Variants in ARG1 observed in about 807,000 individuals in gnomAD.
ARG1 encodes the protein arginase 1.
ARG1 carries 20 observed loss-of-function variants against 33.0 expected under a neutral mutation model. The observed-to-expected ratio is 0.61, with a 90% confidence interval of 0.43 to 0.88. The LOEUF is 0.88. Ranked by LOEUF, ARG1 falls within the 40% of genes least tolerant of loss-of-function variation. The pLI is 0.00. For synonymous variants in ARG1, 146 were observed against 140.6 expected (o/e 1.04, Z -0.27); for missense variants, 374 against 384.7 (o/e 0.97, Z 0.23).
intron 2 of ARG1, among the ~76,000 whole-genome samples, chr6:131,578,310 G>A (rs187050862): frequency 7.9e-5 from 12 of 152,116 alleles, no homozygotes; most frequent in African/African-American, 2.7e-4. Context: ...ATTTCTTGGA[G>A]GCGTTACTAA....
rs555778082 is a variant in ARG1 at position 131,577,445 on chromosome 6, G to T, written c.130+710G>T. ...ACATTCAAGTACAAGTCTTTGTGTG[G>T]ATATGTTTTCATTTCTCTTGGGTAA... On this transcript the variant is annotated intron_variant, in intron 2 of 7. Transcript: ENST00000368087. 5.9e-5 allele frequency among the ~76,000 whole-genome samples: 9 copies of T among 152,258 alleles called. No homozygotes were observed. The South Asian group carries it at 1.9e-3, about 32-fold the overall frequency.
chr6:131,579,814 G>A (rs1409920417), intron 3 of ARG1: 1 of 161,514 alleles, frequency 6.2e-6, no homozygotes, highest in African/African-American at 2.4e-5. Flanking sequence ...CCTTGTACAT[G>A]ATGACTTTGT....
Position 131,584,066 on chromosome 6 carries a change from C to A in ARG1, c.*158C>A. 2 of 827,336 alleles carry A rather than the reference C, an allele frequency of 2.4e-6. No homozygotes were observed. The highest frequency in any genetic ancestry group is 1.8e-6 in the Non-Finnish European group (1 of 551,952). The allele number at this position is 827,336 out of a possible 1,614,324, so 51.2% of individuals were successfully genotyped here. Reference sequence around the variant, plus strand: ...ACAAATTCCCTCTTGGTGTAAAATTCAAGATGTGGAAATTCTAACTTTTTT... The same window carrying A: ...ACAAATTCCCTCTTGGTGTAAAATTAAAGATGTGGAAATTCTAACTTTTTT... On this transcript the variant is annotated 3_prime_UTR_variant, in exon 8 of 8. Transcript: ENST00000368087.
chr6:131,577,147 G>A (rs185108701), intron 2 of ARG1, among the ~76,000 whole-genome samples: 2 of 152,268 alleles, frequency 1.3e-5, no homozygotes, highest in East Asian at 3.9e-4. Flanking sequence ...TAGTGTGGGC[G>A]CAGTGTGTAT....
intron 3 of ARG1, 32 bp from the exon 4 acceptor site, chr6:131,581,187 C>A (rs1252150783): frequency 1.9e-6 from 3 of 1,612,128 alleles, no homozygotes; most frequent in Non-Finnish European, 2.5e-6. Flanking sequence ...CACTGCAAAC[C>A]TGATGTTCAC....
intron 1 of ARG1, among the ~76,000 whole-genome samples, chr6:131,576,054 C>T (rs1282307717): frequency 6.6e-6 from 1 of 152,230 alleles, no homozygotes; most frequent in Non-Finnish European, 1.5e-5. Context: ...GTTTCTCCAT[C>T]ACTCTGTCTT....
intron 2 of ARG1, among the ~76,000 whole-genome samples, chr6:131,577,327 C>G (rs1049118606): frequency 6.6e-6 from 1 of 152,094 alleles, no homozygotes; most frequent in African/African-American, 2.4e-5. Flanking sequence ...GATACAGCCA[C>G]TTTGAAAGTA....
chr6:131,584,315 C>T lies in ARG1; in HGVS notation c.*407C>T. On this transcript the variant is annotated 3_prime_UTR_variant, in exon 8 of 8. Coordinates refer to ENST00000368087, the MANE Select transcript of ARG1 (RefSeq NM_000045.4). ...AAAAAATGTGATTTTTTATAATAAA[C>T]TCTTTATAACAAGATTATATTGTGT... 5.1e-6 allele frequency: 1 copy of T among 196,852 alleles called. No homozygotes were observed. The highest frequency in any genetic ancestry group is 9.5e-5 in the South Asian group (1 of 10,526). The allele number at this position is 196,852 out of a possible 1,614,324, so 12.2% of individuals were successfully genotyped here. A position where few individuals can be genotyped will look rare whatever the true frequency, so the allele number is the denominator to read the frequency against.
At chr6:131,577,340 T>G (rs1478552079) in intron 2 of ARG1, among the ~76,000 whole-genome samples, 1 of 152,144 alleles carries the variant, frequency 6.6e-6, no homozygotes, top group Non-Finnish European at 1.5e-5. Flanking sequence ...TGAAAGTAGG[T>G]GGGCAGTTTC....
chr6:131,579,004 G>A lies in ARG1; in HGVS notation c.131-107G>A, dbSNP rs56325116. ...TACAGACCTTTCAGGTTTTTCCTTT[G>A]CTTATACTTGTGAATATATGCCTAT... On this transcript the variant is annotated intron_variant, in intron 2 of 7. Coordinates refer to ENST00000368087, the MANE Select transcript of ARG1 (RefSeq NM_000045.4). 150,058 of 1,313,074 alleles carry A rather than the reference G, an allele frequency of 0.11. 9,483 individuals are homozygous for A. The highest frequency in any genetic ancestry group is 0.2 in the Middle Eastern group (937 of 4,750). 81.3% of individuals were successfully genotyped at this position (1,313,074 alleles called of 1,614,324 possible).
At position 131,583,074 on chromosome 6, in the gene ARG1, C is replaced by T; in HGVS notation, c.575C>T (p.Thr192Ile). 1.2e-6 allele frequency: 2 copies of T among 1,612,632 alleles called. No individual in the cohort carries two copies. The highest frequency in any genetic ancestry group is 8.5e-7 in the Non-Finnish European group (1 of 1,179,002). Residue 192 changes from threonine to isoleucine, a missense_variant, in exon 6 of 8, where the codon ACT (threonine) becomes ATT (isoleucine). By Grantham distance (89) the Thr-to-Ile change is moderately conservative. Coordinates refer to ENST00000368087, the MANE Select transcript of ARG1 (RefSeq NM_000045.4). ...VDPGEHYILK[T>I]LGIKYFSMTE... ...CTCTTTTATAGCTACATTTTGAAAA[C>T]TCTAGGCATTAAATACTTTTCAATG...
In ARG1 at chr6:131,583,870, A is replaced by AATC; in HGVS notation, c.933_935dup (p.His312dup). On this transcript the variant is annotated inframe_insertion, in exon 8 of 8. Coordinates refer to ENST00000368087, the MANE Select transcript of ARG1 (RefSeq NM_000045.4). ...TTGTTTCGGACTTGCTCGGGAGGGT[A>AATC]ATCACAAGCCTATTGACTACCTTAA... 6.2e-7 allele frequency: 1 copy of AATC among 1,614,152 alleles called. No homozygotes were observed. The highest frequency in any genetic ancestry group is 8.5e-7 in the Non-Finnish European group (1 of 1,180,012).
At chr6:131,581,523 G>C in intron 4 of ARG1, 145 bp downstream of exon 4, 3 of 959,468 alleles carry the variant, frequency 3.1e-6, no homozygotes, top group Non-Finnish European at 4.7e-6. Flanking sequence ...CAAAGGGTTG[G>C]TTGATAAAAG....
At chr6:131,580,276 C>T (rs1390613463) in intron 3 of ARG1, among the ~76,000 whole-genome samples, 2 of 152,228 alleles carry the variant, frequency 1.3e-5, no homozygotes, top group South Asian at 2.1e-4. Context: ...GAAACTGAGG[C>T]TCGCTTTCTT....
chr6:131,578,103 AG>A lies in ARG1; in HGVS notation c.131-1006del, dbSNP rs1773716582. ...GGGCAAGAATTACCTCTAAAGGGGC[AG>A]GATGGAATTTTTCAAACTCATTGAC... On this transcript the variant is annotated intron_variant, in intron 2 of 7. Transcript: ENST00000368087. 2.6e-5 allele frequency among the ~76,000 whole-genome samples: 4 copies of A among 151,914 alleles called. 1 individual carries two copies. In the South Asian group the frequency reaches 8.3e-4, roughly 32 times the overall value.
intron 2 of ARG1, among the ~76,000 whole-genome samples, 189 bp downstream of exon 2, chr6:131,576,924 T>A (rs543818754): frequency 6.6e-6 from 1 of 152,136 alleles, no homozygotes; most frequent in Admixed American, 6.5e-5. Flanking sequence ...TTGCTGGATG[T>A]ACATCCTCAC....
chr6:131,574,042 C>T, intron 1 of ARG1: 1 of 542,162 alleles, frequency 1.8e-6, no homozygotes, highest in Non-Finnish European at 3.3e-6. Context: ...TGAATCCACA[C>T]ATGCCAGCAA....
intron 1 of ARG1, chr6:131,574,372 T>A: frequency 6.5e-7 from 1 of 1,542,170 alleles, no homozygotes; most frequent in Non-Finnish European, 9.0e-7. Context: ...CTACTTTGCT[T>A]CCCCTGGAAA....
chr6:131,574,114 A>C, intron 1 of ARG1: 1 of 752,804 alleles, frequency 1.3e-6, no homozygotes, highest in Non-Finnish European at 2.3e-6. Context: ...GTGTGATGAC[A>C]GAACACCTTA....
Sources: allele counts gnomAD v4.1 joint callset (sites outside exome capture counted in the v4.1 genomes callset), GRCh38; gene constraint gnomAD v4.1.1; transcripts MANE v1.5; gene names NCBI Gene and HGNC (gene_info 2026-07-23, HGNC 2026-07-21).